SMIM19: variants seen among roughly 807,000 people sequenced by gnomAD.
SMIM19 encodes the protein UPF0697 protein C8orf40.
Under a neutral mutation model 13.2 loss-of-function variants are expected in SMIM19, and 6 were observed. The observed-to-expected ratio is 0.45, with a 90% CI of 0.25 to 0.90. The LOEUF is 0.90. Among genes scored for constraint, SMIM19 ranks in the 40% least tolerant of loss-of-function variants. The pLI, the probability that SMIM19 is intolerant of heterozygous loss-of-function variation, is 0.19. For synonymous variants in SMIM19, 46 were observed against 43.1 expected (o/e 1.07, Z -0.27); for missense variants, 138 against 131.0 (o/e 1.05, Z -0.26).
Position 42,552,824 on chromosome 8 carries a change from G to A in SMIM19, c.*216G>A, listed in dbSNP as rs1279835730. ...GAACCTGCACATATCCAGGATATGTGTAACCAGCGATGGTGACTTGACCTT... is the reference window on the plus strand; with the variant it reads ...GAACCTGCACATATCCAGGATATGTATAACCAGCGATGGTGACTTGACCTT... On this transcript the variant is annotated 3_prime_UTR_variant, in exon 4 of 4. Coordinates refer to ENST00000417410, the MANE Select transcript of SMIM19 (RefSeq NM_001135674.2). The A allele has an allele frequency of 6.0e-6, 3 of 499,794 alleles. No individual in the cohort carries two copies. Among genetic ancestry groups the A allele is most frequent in the African/African-American group, 1.9e-5 (1 of 52,368 alleles). 31.0% of individuals were successfully genotyped at this position (499,794 alleles called of 1,614,324 possible).
Position 42,552,854 on chromosome 8 carries a change from A to G in SMIM19, c.*246A>G. The stretch of plus-strand genomic sequence containing the variant: ...CAGCGATGGTGACTTGACCTTGCCA[A>G]GACCTGTGATTCCTTCAGGATACAA... On this transcript the variant is annotated 3_prime_UTR_variant, in exon 4 of 4. Coordinates refer to ENST00000417410, the MANE Select transcript of SMIM19 (RefSeq NM_001135674.2). 1 of 421,424 alleles carries G rather than the reference A, an allele frequency of 2.4e-6. No individual in the cohort carries two copies. 26.1% of individuals were successfully genotyped at this position (421,424 alleles called of 1,614,324 possible).
chr8:42,543,374 G>A (rs1813346813), intron 1 of SMIM19, among the ~76,000 whole-genome samples: 1 of 152,188 alleles, frequency 6.6e-6, no homozygotes, highest in South Asian at 2.1e-4. Flanking sequence ...CATTGATCAT[G>A]ATTGAGGACT....
At position 42,546,609 on chromosome 8, in the gene SMIM19, A is replaced by G. The variant is rs375974964; in HGVS notation, c.134+3A>G. On this transcript the variant is annotated splice_donor_region_variant and intron_variant, in intron 2 of 3. Transcript: ENST00000417410. ...GGTCTCTTCATGTATGCCAAAAGGTAAATTTTTGTTTCTCAGGGTAGATAA... is the reference window on the plus strand; with the variant it reads ...GGTCTCTTCATGTATGCCAAAAGGTGAATTTTTGTTTCTCAGGGTAGATAA... 89 of 1,605,542 alleles carry G rather than the reference A, an allele frequency of 5.5e-5. No homozygotes were observed. The African/African-American group carries it at 9.4e-4, about 17-fold the overall frequency.
At chr8:42,552,102 GA>G (rs1452929831) in intron 3 of SMIM19, among the ~76,000 whole-genome samples, 2 of 152,130 alleles carry the variant, frequency 1.3e-5, no homozygotes, top group African/African-American at 4.8e-5. Context: ...CTTTTCCAAA[GA>G]AACAAAATTG....
At chr8:42,546,349 C>T in intron 1 of SMIM19, 120 bp from the exon 2 acceptor site, 3 of 1,162,848 alleles carry the variant, frequency 2.6e-6, no homozygotes, top group Non-Finnish European at 3.4e-6. Context: ...GGCTCATGGG[C>T]CGCACACAAA....
chr8:42,544,359 C>T (rs1337452153), intron 1 of SMIM19, among the ~76,000 whole-genome samples: 1 of 150,272 alleles, frequency 6.7e-6, no homozygotes, highest in African/African-American at 2.5e-5. Context: ...TGCAGTGAGC[C>T]GAGATCGTGC....
At chr8:42,545,190 T>G (rs1813435683) in intron 1 of SMIM19, among the ~76,000 whole-genome samples, 1 of 151,992 alleles carries the variant, frequency 6.6e-6, no homozygotes, top group East Asian at 1.9e-4. Context: ...GGAGGAACTC[T>G]CTTTAAAGAA....
intron 3 of SMIM19, among the ~76,000 whole-genome samples, chr8:42,550,688 G>A (rs1387865160): frequency 1.3e-5 from 2 of 152,124 alleles, no homozygotes; most frequent in African/African-American, 4.8e-5. Flanking sequence ...CCCATGTCAA[G>A]GTCCCTACCT....
intron 3 of SMIM19, among the ~76,000 whole-genome samples, chr8:42,549,839 G>C (rs2131496716): frequency 6.6e-6 from 1 of 152,168 alleles, no homozygotes; most frequent in East Asian, 1.9e-4. Context: ...GCTCACGCCT[G>C]TAATCCTAGC....
intron 3 of SMIM19, among the ~76,000 whole-genome samples, chr8:42,549,422 AAAG>A (rs537719410): frequency 3.3e-5 from 5 of 152,170 alleles, no homozygotes; most frequent in East Asian, 1.9e-4. Context: ...AAAAAAAAAA[AAAG>A]AAGTACATTC....
At position 42,552,833 on chromosome 8, in the gene SMIM19, G is replaced by C; in HGVS notation, c.*225G>C. 1 of 468,628 alleles carries C rather than the reference G, an allele frequency of 2.1e-6. No individual in the cohort carries two copies. The highest frequency in any genetic ancestry group is 3.8e-6 in the Non-Finnish European group (1 of 264,550). 29.0% of individuals were successfully genotyped at this position (468,628 alleles called of 1,614,324 possible). A position where few individuals can be genotyped will look rare whatever the true frequency, so the allele number is the denominator to read the frequency against. ...CATATCCAGGATATGTGTAACCAGCGATGGTGACTTGACCTTGCCAAGACC... is the reference window on the plus strand; with the variant it reads ...CATATCCAGGATATGTGTAACCAGCCATGGTGACTTGACCTTGCCAAGACC... On this transcript the variant is annotated 3_prime_UTR_variant, in exon 4 of 4. Transcript: ENST00000417410.
chr8:42,541,199 G>A (rs62509293), upstream of SMIM19: 244 of 152,248 alleles, frequency 1.6e-3, 1 homozygote, highest in South Asian at 7.7e-3. Flanking sequence ...GGCACTCGCA[G>A]GTAATGCCCG....
chr8:42,552,156 C>T (rs910316962), intron 3 of SMIM19, among the ~76,000 whole-genome samples: 5 of 152,092 alleles, frequency 3.3e-5, no homozygotes, highest in Non-Finnish European at 7.4e-5. Context: ...CAGTGGCTCA[C>T]ATCTGTAATC....
intron 1 of SMIM19, among the ~76,000 whole-genome samples, chr8:42,545,511 C>T (rs1274909436): frequency 6.6e-6 from 1 of 152,106 alleles, no homozygotes; most frequent in African/African-American, 2.4e-5. Flanking sequence ...TTTGTAGCAG[C>T]ACAGCCAGGT....
At position 42,545,072 on chromosome 8, in the gene SMIM19, A is replaced by G. The variant is rs368801706; in HGVS notation, c.-4-1397A>G. ...AAACTACAGTGCAACTATCACTTAT[A>G]TTTGTCCATTTTTCTCCTGTATATA... On this transcript the variant is annotated intron_variant, in intron 1 of 3. Coordinates refer to ENST00000417410, the MANE Select transcript of SMIM19 (RefSeq NM_001135674.2). Among the ~76,000 whole-genome samples, 135 of 152,298 alleles carry G rather than the reference A, an allele frequency of 8.9e-4. 1 individual carries two copies. The highest frequency in any genetic ancestry group is 3.1e-3 in the African/African-American group (129 of 41,564).
At chr8:42,550,856 G>A (rs1813650268) in intron 3 of SMIM19, among the ~76,000 whole-genome samples, 1 of 152,158 alleles carries the variant, frequency 6.6e-6, no homozygotes, top group African/African-American at 2.4e-5. Context: ...GGTCCTTAGT[G>A]TTCGTGATGT....
chr8:42,548,845 T>G (rs1813574731), intron 3 of SMIM19, 65 bp downstream of exon 3: 1 of 1,486,282 alleles, frequency 6.7e-7, no homozygotes, highest in African/African-American at 1.4e-5. Context: ...TGGAATTGAG[T>G]TCATTTAGCA....
intron 3 of SMIM19, among the ~76,000 whole-genome samples, chr8:42,549,326 C>A (rs577940881): frequency 2.0e-5 from 3 of 151,966 alleles, no homozygotes; most frequent in Non-Finnish European, 4.4e-5. Context: ...GCAGGAGAAT[C>A]GCTCGAACCT....
At chr8:42,547,287 G>C (rs938239671) in intron 2 of SMIM19, among the ~76,000 whole-genome samples, 4 of 151,794 alleles carry the variant, frequency 2.6e-5, no homozygotes, top group African/African-American at 9.7e-5. Context: ...TTGAACATGG[G>C]AGGAGGATGC....
Sources: gnomAD v4.1 joint callset for allele counts (sites outside exome capture counted in the v4.1 genomes callset) on GRCh38, gnomAD v4.1.1 for gene constraint, MANE v1.5 for transcripts, NCBI Gene and HGNC (gene_info 2026-07-23, HGNC 2026-07-21) for gene names.